ZNF639: variants seen among roughly 807,000 people sequenced by gnomAD.
ZNF639 encodes the protein zinc finger amplified in esophageal squamous cell carcinomas 1.
ZNF639 carries 20 observed loss-of-function variants against 39.8 expected under a neutral mutation model. That is an observed-to-expected ratio of 0.50 (90% CI 0.35 to 0.73). The LOEUF (loss-of-function observed/expected upper bound fraction) is 0.73, where lower values mean the gene tolerates loss of function less well. Among genes scored for constraint, ZNF639 ranks in the 30% least tolerant of loss-of-function variants. The pLI is 0.00. For synonymous variants in ZNF639, 176 were observed against 189.8 expected, an observed-to-expected ratio of 0.93 and a Z score of 0.60; for missense variants, 477 against 566.2, an observed-to-expected ratio of 0.84 and a Z score of 1.60.
At position 179,323,092 on chromosome 3, in the gene ZNF639, C is replaced by CA. The variant is rs1469706781; in HGVS notation, c.-281dup. 1.0e-6 allele frequency: 1 copy of CA among 984,820 alleles called. No individual in the cohort carries two copies. The highest frequency in any genetic ancestry group is 1.8e-5 in the African/African-American group (1 of 57,130). The allele number at this position is 984,820 out of a possible 1,614,324, so 61.0% of individuals were successfully genotyped here. ...GGCAGTGCGGCCGCGGAGCCTAGGCCAGGGGCCTGGCGCTCAGGGCGTGGG... is the reference window on the plus strand; with the variant it reads ...GGCAGTGCGGCCGCGGAGCCTAGGCCAAGGGGCCTGGCGCTCAGGGCGTGGG... On this transcript the variant is annotated 5_prime_UTR_variant, in exon 1 of 6. Coordinates refer to ENST00000496856, the MANE Select transcript of ZNF639 (RefSeq NM_001303426.2).
chr3:179,332,435 C>G (rs569902121), intron 4 of ZNF639, among the ~76,000 whole-genome samples: 2 of 152,262 alleles, frequency 1.3e-5, no homozygotes, highest in African/African-American at 4.8e-5. Flanking sequence ...CCAGCCTGGA[C>G]AACATAGCAA....
chr3:179,324,843 G>A (rs543564626), intron 1 of ZNF639: 1 of 152,320 alleles, frequency 6.6e-6, no homozygotes, highest in South Asian at 2.1e-4. Context: ...TCGGCTGAGT[G>A]TTTTCAGTGT....
intron 1 of ZNF639, chr3:179,324,974 A>G (rs1727504580): frequency 6.6e-6 from 1 of 152,192 alleles, no homozygotes; most frequent in African/African-American, 2.4e-5. Context: ...TACTCAAGGA[A>G]TGATTGTTTA....
rs763726307 is a variant in ZNF639 at position 179,333,010 on chromosome 3, C to G, written c.191C>G (p.Thr64Arg). 6.4e-7 allele frequency: 1 copy of G among 1,552,742 alleles called. No homozygotes were observed. Among genetic ancestry groups the G allele is most frequent in the South Asian group, 1.2e-5 (1 of 84,304 alleles). ...ACAGATGATGATTCTGATACCGAGA[C>G]GTCAAATGACTTGCCAAAATTTGCA... ...DNKDDDSDTE[T>R]SNDLPKFADG... is the part of the protein sequence containing the mutation. The change falls in exon 5 of 6, where the codon ACG becomes AGG. Residue 64 changes from threonine (T) to arginine (R), a missense_variant. Physicochemically the swap from Thr to Arg is moderately conservative, Grantham distance 71. Transcript: ENST00000496856.
At chr3:179,331,918 AC>A (rs1295609917) in intron 4 of ZNF639, among the ~76,000 whole-genome samples, 2 of 152,170 alleles carry the variant, frequency 1.3e-5, no homozygotes, top group African/African-American at 4.8e-5. Context: ...ATGGCAATTT[AC>A]CTCTGGTCTA....
rs1210652500 is a variant in ZNF639, at chr3:179,337,125, G to A, written c.*2703G>A. 2.0e-5 allele frequency: 3 copies of A among 151,864 alleles called. No homozygotes were observed. The highest frequency in any genetic ancestry group is 7.3e-5 in the African/African-American group (3 of 41,346). 9.4% of individuals were successfully genotyped at this position (151,864 alleles called of 1,614,324 possible). A position where few individuals can be genotyped will look rare whatever the true frequency, so the allele number is the denominator to read the frequency against. The stretch of plus-strand genomic sequence containing the variant: ...TACAAAAAAAAATTAGCTGGGCGTG[G>A]TGGTGGGCACCTGTAGTCCCAGCTA... On this transcript the variant is annotated 3_prime_UTR_variant, in exon 6 of 6. Coordinates refer to ENST00000496856, the MANE Select transcript of ZNF639 (RefSeq NM_001303426.2).
intron 1 of ZNF639, among the ~76,000 whole-genome samples, chr3:179,325,837 C>T (rs1445157050): frequency 2.6e-5 from 4 of 151,706 alleles, no homozygotes; most frequent in Admixed American, 2.0e-4. Flanking sequence ...GCCAAGATAG[C>T]GCCACTGCAC....
chr3:179,329,621 C>G lies in ZNF639; in HGVS notation c.62C>G (p.Ser21Cys). The G allele has an allele frequency of 6.3e-7, 1 of 1,585,856 alleles. No individual in the cohort carries two copies. The highest frequency in any genetic ancestry group is 8.6e-7 in the Non-Finnish European group (1 of 1,158,466). The stretch of plus-strand genomic sequence containing the variant: ...ATATTTTTCATTTTATGTTCAGATT[C>G]CTCTGGAATAAGCAGAATTGCAGAT... The part of the protein sequence containing the change: ...KTLHPSRYSD[S>C]SGISRIADGF... Residue 21 changes from serine to cysteine, a missense_variant, in exon 4 of 6, where the codon TCC (serine) becomes TGC (cysteine). Transcript: ENST00000496856.
In ZNF639 at chr3:179,332,992, A is replaced by T. The variant is rs1727997619; in HGVS notation, c.173A>T (p.Asp58Val). 1.9e-6 allele frequency: 3 copies of T among 1,545,892 alleles called. No homozygotes were observed. Among genetic ancestry groups the T allele is most frequent in the Non-Finnish European group, 2.6e-6 (3 of 1,145,700 alleles). The change falls in exon 5 of 6, where the codon GAT (aspartate) becomes GTT (valine). Residue 58 changes from aspartate to valine, a missense_variant. By Grantham distance (152) the Asp-to-Val change is radical. Transcript: ENST00000496856. ...TCTTCCAAATCCCTTTTTACAGATG[A>T]TGATTCTGATACCGAGACGTCAAAT... is the stretch of plus-strand genomic sequence containing the variant. ...PDLKYFDNKD[D>V]DSDTETSNDL... is the part of the protein sequence containing the mutation.
Position 179,333,435 on chromosome 3 carries a change from C to G in ZNF639, c.471C>G (p.Asn157Lys), listed in dbSNP as rs765378158. ...AGGATTATGATATAGAGACAGAAAACAATTCCTCTGAGAGTCTCCAAGACC... is the reference window on the plus strand; with the variant it reads ...AGGATTATGATATAGAGACAGAAAAGAATTCCTCTGAGAGTCTCCAAGACC... Reference protein sequence around the residue: ...ISEDYDIETENNSSESLQDQT... With the variant: ...ISEDYDIETEKNSSESLQDQT... The change falls in exon 6 of 6, where the codon AAC becomes AAG. Residue 157 changes from asparagine (N) to lysine (K), a missense_variant. Transcript: ENST00000496856. 6.2e-6 allele frequency: 10 copies of G among 1,614,040 alleles called. No homozygotes were observed. The South Asian group carries it at 1.1e-4, about 18-fold the overall frequency.
rs13096632 is a variant in ZNF639 at position 179,335,937 on chromosome 3, G to A, written c.*1515G>A. On this transcript the variant is annotated 3_prime_UTR_variant, in exon 6 of 6. Coordinates refer to ENST00000496856, the MANE Select transcript of ZNF639 (RefSeq NM_001303426.2). ...TCCCAAGTAGCTGGGGTTAACAGGCGTCAGCCACCATGCCAGGCTAATTTT... is the reference window on the plus strand; with the variant it reads ...TCCCAAGTAGCTGGGGTTAACAGGCATCAGCCACCATGCCAGGCTAATTTT... 0.11 allele frequency: 16,820 copies of A among 151,986 alleles called. 1,173 individuals are homozygous for A. Among genetic ancestry groups the A allele is most frequent in the Non-Finnish European group, 0.16 (10,919 of 68,006 alleles). The allele number at this position is 151,986 out of a possible 1,614,324, so 9.4% of individuals were successfully genotyped here.
chr3:179,326,052 C>T (rs867755732), intron 1 of ZNF639, among the ~76,000 whole-genome samples: 8 of 151,976 alleles, frequency 5.3e-5, no homozygotes, highest in African/African-American at 1.4e-4. Context: ...CATTATAGGC[C>T]GGGCGCGGTG....
Position 179,334,272 on chromosome 3 carries a change from T to A in ZNF639, c.1308T>A (p.Cys436Ter), listed in dbSNP as rs1407208257. The change falls in exon 6 of 6, where the codon TGT (cysteine) becomes TGA (stop). Residue 436 changes from cysteine to a stop codon, truncating the protein, a stop_gained. Coordinates refer to ENST00000496856, the MANE Select transcript of ZNF639 (RefSeq NM_001303426.2). LOFTEE classifies it high-confidence loss of function. Reference protein sequence around the residue: ...LSEGIYLCQYCEYSTGQIEDL... With the variant: ...LSEGIYLCQY ...AAGGGATTTATTTATGTCAATATTG[T>A]GAATATTCAACAGGACAAATTGAAG... is the stretch of plus-strand genomic sequence containing the variant. 6.2e-7 allele frequency: 1 copy of A among 1,612,716 alleles called. No individual in the cohort carries two copies.
intron 1 of ZNF639, among the ~76,000 whole-genome samples, chr3:179,325,676 G>A (rs992918314): frequency 1.3e-5 from 2 of 148,480 alleles, no homozygotes; most frequent in Non-Finnish European, 3.0e-5. Flanking sequence ...GGCAGATCAC[G>A]AGGTCAGGAG....
intron 4 of ZNF639, among the ~76,000 whole-genome samples, chr3:179,331,954 C>T (rs937577241): frequency 4.0e-5 from 6 of 151,822 alleles, no homozygotes; most frequent in Admixed American, 1.3e-4. Context: ...ATAATTCCAG[C>T]GTAATCATTT....
rs1036977045 is a variant in ZNF639 at position 179,334,356 on chromosome 3, C to T, written c.1392C>T (p.Asp464=). ...HSADLPHKCS[D]CLMRFGNERE... ...CTGACTTGCCTCATAAATGTAGTGA[C>T]TGCTTGATGAGGTTTGGAAATGAAA... Residue 464 remains aspartate (D), a synonymous_variant, in exon 6 of 6, where the codon GAC becomes GAT. Transcript: ENST00000496856. The T allele has an allele frequency of 1.2e-6, 2 of 1,604,866 alleles. No homozygotes were observed. Among genetic ancestry groups the T allele is most frequent in the Admixed American group, 1.7e-5 (1 of 58,266 alleles).
In ZNF639 at chr3:179,334,336, TTGCCTCATAAA is replaced by T; in HGVS notation, c.1375_1385del (p.Pro459Ter). ...TCTAGATTTCAAGCATTCAGCTGAC[TTGCCTCATAAA>T]TGTAGTGACTGCTTGATGAGGTTTG... On this transcript the variant is annotated frameshift_variant, in exon 6 of 6. Coordinates refer to ENST00000496856, the MANE Select transcript of ZNF639 (RefSeq NM_001303426.2). LOFTEE classifies it high-confidence loss of function. The T allele has an allele frequency of 6.2e-7, 1 of 1,612,280 alleles. No individual in the cohort carries two copies. Among genetic ancestry groups the T allele is most frequent in the Non-Finnish European group, 8.5e-7 (1 of 1,179,330 alleles).
At chr3:179,323,319 C>T in intron 1 of ZNF639, 28 bp downstream of exon 1, 2 of 985,490 alleles carry the variant, frequency 2.0e-6, no homozygotes, top group Non-Finnish European at 2.4e-6. Context: ...GCGGGTGGGT[C>T]GGGCGCTGGA....
intron 4 of ZNF639, among the ~76,000 whole-genome samples, chr3:179,330,339 A>G (rs1727839883): frequency 6.6e-6 from 1 of 152,036 alleles, no homozygotes. Flanking sequence ...GCCATGTCTC[A>G]CTCCATGGAT....
Sources: gnomAD v4.1 joint callset for allele counts (sites outside exome capture counted in the v4.1 genomes callset) on GRCh38, gnomAD v4.1.1 for gene constraint, MANE v1.5 for transcripts, NCBI Gene and HGNC (gene_info 2026-07-23, HGNC 2026-07-21) for gene names.